The following SDHAF4 variants were observed in gnomAD, a reference collection of about 807,000 sequenced individuals.
SDHAF4 encodes succinate dehydrogenase assembly factor 4, mitochondrial.
Under a neutral mutation model 14.3 loss-of-function variants are expected in SDHAF4, and 14 were observed. The observed-to-expected ratio is 0.98, with a 90% CI of 0.65 to 1.53. SDHAF4 has a LOEUF of 1.53. Among genes scored for constraint, SDHAF4 ranks in the 40% most tolerant of loss-of-function variants. The pLI is 0.00. For missense variants in SDHAF4, 141 were observed against 129.3 expected (o/e 1.09, Z -0.44); for synonymous variants, 63 against 47.3 (o/e 1.33, Z -1.36).
chr6:70,580,595 T>A lies in SDHAF4; in HGVS notation c.217+1029T>A, dbSNP rs1400801571. Among the ~76,000 whole-genome samples, 3 of 152,140 alleles carry A rather than the reference T, an allele frequency of 2.0e-5. No individual in the cohort carries two copies. The South Asian group carries it at 6.2e-4, about 31-fold the overall frequency. ...AACCCAATGTTCACAAACAAATGAATCATTAAACAAAATGTGGCATATACA... is the reference window on the plus strand; with the variant it reads ...AACCCAATGTTCACAAACAAATGAAACATTAAACAAAATGTGGCATATACA... On this transcript the variant is annotated intron_variant, in intron 2 of 2. Transcript: ENST00000370474.
intron 1 of SDHAF4, among the ~76,000 whole-genome samples, chr6:70,574,395 G>A (rs1375796904): frequency 2.0e-5 from 3 of 151,968 alleles, no homozygotes; most frequent in South Asian, 2.1e-4. Context: ...GCCTAAACAC[G>A]GGTGTGGGTC....
intron 1 of SDHAF4, among the ~76,000 whole-genome samples, chr6:70,576,840 A>T (rs185222360): frequency 2.0e-5 from 3 of 152,322 alleles, no homozygotes; most frequent in Admixed American, 6.5e-5. Context: ...AAAAAGGGTA[A>T]CTTGACCAAC....
rs946699896 is a variant in SDHAF4 at position 70,589,068 on chromosome 6, C to G, written c.*344C>G. The G allele has an allele frequency of 1.9e-5, 3 of 154,256 alleles. No homozygotes were observed. The highest frequency in any genetic ancestry group is 6.5e-5 in the Admixed American group (1 of 15,314). The allele number at this position is 154,256 out of a possible 1,614,324, so 9.6% of individuals were successfully genotyped here. ...TGAGCTGAGGTCGCGCCATTGCACTCCAGCCTGGGCAACAAGAGCGAAACT... is the reference window on the plus strand; with the variant it reads ...TGAGCTGAGGTCGCGCCATTGCACTGCAGCCTGGGCAACAAGAGCGAAACT... On this transcript the variant is annotated 3_prime_UTR_variant, in exon 3 of 3. Transcript: ENST00000370474.
chr6:70,575,377 G>GAA (rs796171113), intron 1 of SDHAF4, among the ~76,000 whole-genome samples: 1 of 136,676 alleles, frequency 7.3e-6, no homozygotes, highest in Non-Finnish European at 1.6e-5. Context: ...GACTCTGTCT[G>GAA]AAAAAAAAAA....
At chr6:70,570,516 T>C (rs1802165818) in intron 1 of SDHAF4, among the ~76,000 whole-genome samples, 1 of 152,008 alleles carries the variant, frequency 6.6e-6, no homozygotes, top group African/African-American at 2.4e-5. Flanking sequence ...AGAGATGGGG[T>C]TTTGCCATGT....
intron 1 of SDHAF4, chr6:70,567,353 A>G (rs1439154684): frequency 7.1e-6 from 2 of 283,174 alleles, no homozygotes; most frequent in Admixed American, 5.3e-5. Context: ...GAAAAATGGA[A>G]AAGAAGGCCC....
chr6:70,576,303 G>A lies in SDHAF4; in HGVS notation c.65-3111G>A, dbSNP rs1165759942. Among the ~76,000 whole-genome samples, 3 of 152,160 alleles carry A rather than the reference G, an allele frequency of 2.0e-5. 1 individual carries two copies. The highest frequency in any genetic ancestry group is 4.1e-4 in the South Asian group (2 of 4,826). On this transcript the variant is annotated intron_variant, in intron 1 of 2. Transcript: ENST00000370474. ...AAATAGTTCTGTTTATGTTTCCAAC[G>A]GCCTCAGAGTCCCTTGAGAAAACTG...
At chr6:70,570,548 C>A (rs1437029835) in intron 1 of SDHAF4, among the ~76,000 whole-genome samples, 1 of 152,026 alleles carries the variant, frequency 6.6e-6, no homozygotes, top group Non-Finnish European at 1.5e-5. Context: ...TCCTTGAGAG[C>A]CTCGGCCTCT....
At chr6:70,591,461 A>G (rs889035468), downstream of SDHAF4, among the ~76,000 whole-genome samples, 4 of 147,028 alleles carry the variant, frequency 2.7e-5, no homozygotes, top group Non-Finnish European at 5.9e-5. Flanking sequence ...CCTCCCGAGT[A>G]GCTGGGACTA....
intron 2 of SDHAF4, among the ~76,000 whole-genome samples, chr6:70,583,147 C>G (rs776654552): frequency 3.3e-5 from 5 of 152,232 alleles, no homozygotes; most frequent in African/African-American, 4.8e-5. Flanking sequence ...GAGTCTCGCT[C>G]TGTCACCCAG....
chr6:70,588,937 C>T lies in SDHAF4; in HGVS notation c.*213C>T, dbSNP rs898467260. On this transcript the variant is annotated 3_prime_UTR_variant, in exon 3 of 3. Coordinates refer to ENST00000370474, the MANE Select transcript of SDHAF4 (RefSeq NM_145267.3). ...CCAATATGGAGAAATCTCGCCTTTACTAAAAATACAAAATTAGCCAGGCGT... is the reference window on the plus strand; with the variant it reads ...CCAATATGGAGAAATCTCGCCTTTATTAAAAATACAAAATTAGCCAGGCGT... The T allele has an allele frequency of 4.9e-6, 1 of 203,212 alleles. No homozygotes were observed. The highest frequency in any genetic ancestry group is 2.4e-5 in the African/African-American group (1 of 41,924). The allele number at this position is 203,212 out of a possible 1,614,324, so 12.6% of individuals were successfully genotyped here.
At chr6:70,598,231 T>C in the SDHAF4 span, among the ~76,000 whole-genome samples, 1 of 151,986 alleles carries the variant, frequency 6.6e-6, no homozygotes, top group South Asian at 2.1e-4. Flanking sequence ...ACAAAAAAAG[T>C]AGCCAGGCAT....
chr6:70,573,354 C>T (rs146315999), intron 1 of SDHAF4, among the ~76,000 whole-genome samples: 3,671 of 143,896 alleles, frequency 0.026, 160 homozygotes, highest in African/African-American at 0.093. Flanking sequence ...AACTCTGCCT[C>T]CTGGGTTCAA....
chr6:70,586,887 GGCCGGGCACA>G (rs1765207188), intron 2 of SDHAF4, among the ~76,000 whole-genome samples: 4 of 152,174 alleles, frequency 2.6e-5, no homozygotes, highest in Admixed American at 6.5e-5. Flanking sequence ...GGGGCCAGGC[GGCCGGGCACA>G]GTGGCTCACG....
chr6:70,588,739 A>G lies in SDHAF4; in HGVS notation c.*15A>G, dbSNP rs184541508. On this transcript the variant is annotated 3_prime_UTR_variant, in exon 3 of 3. Coordinates refer to ENST00000370474, the MANE Select transcript of SDHAF4 (RefSeq NM_145267.3). ...TTGATTTTTAAGTCGCATATTCTTT[A>G]ACTTCAATATTGTTTTCTGAATATG... is the stretch of plus-strand genomic sequence containing the variant. 319 of 1,439,396 alleles carry G rather than the reference A, an allele frequency of 2.2e-4. No homozygotes were observed. The highest frequency in any genetic ancestry group is 3.6e-4 in the Middle Eastern group (2 of 5,614). The allele number at this position is 1,439,396 out of a possible 1,614,324, so 89.2% of individuals were successfully genotyped here.
chr6:70,572,973 A>G (rs917213816), intron 1 of SDHAF4, among the ~76,000 whole-genome samples: 1 of 152,120 alleles, frequency 6.6e-6, no homozygotes, highest in East Asian at 1.9e-4. Context: ...ACTTCTGGGA[A>G]CACTTTTTTC....
chr6:70,584,116 C>A (rs541824150), intron 2 of SDHAF4, among the ~76,000 whole-genome samples: 1 of 151,916 alleles, frequency 6.6e-6, no homozygotes, highest in African/African-American at 2.4e-5. Flanking sequence ...ACCTCTGCCT[C>A]GGGTTCAAGC....
chr6:70,568,058 T>G (rs1003426216), intron 1 of SDHAF4, among the ~76,000 whole-genome samples: 4 of 152,214 alleles, frequency 2.6e-5, no homozygotes, highest in Admixed American at 2.6e-4. Flanking sequence ...TGCCCTCAAA[T>G]GGTGCCAGAT....
At position 70,568,962 on chromosome 6, in the gene SDHAF4, C is replaced by CTTTTTTTTTTTTTTT. The variant is rs5877254; in HGVS notation, c.64+1965_64+1979dup. Among the ~76,000 whole-genome samples, 170 of 97,964 alleles carry CTTTTTTTTTTTTTTT rather than the reference C, an allele frequency of 1.7e-3. 11 individuals carry two copies. Among genetic ancestry groups the CTTTTTTTTTTTTTTT allele is most frequent in the African/African-American group, 4.9e-3 (117 of 23,736 alleles). 64.3% of individuals were successfully genotyped at this position (97,964 alleles called of 152,430 possible). ...TTTGTGAAATACCTCTTTCTTTTTT[C>CTTTTTTTTTTTTTTT]TTTTTTTTTTTTTTTTTTTTTGAGG... On this transcript the variant is annotated intron_variant, in intron 1 of 2. Coordinates refer to ENST00000370474, the MANE Select transcript of SDHAF4 (RefSeq NM_145267.3).
Sources: allele counts gnomAD v4.1 joint callset (sites outside exome capture counted in the v4.1 genomes callset), GRCh38; gene constraint gnomAD v4.1.1; transcripts MANE v1.5; gene names NCBI Gene and HGNC (gene_info 2026-07-23, HGNC 2026-07-21).